ACAD8: variants seen among roughly 807,000 people sequenced by gnomAD.
ACAD8 encodes the protein isobutyryl-CoA dehydrogenase, mitochondrial.
In ACAD8, 47 loss-of-function variants were observed where a neutral mutation model predicts 53.1. That is an observed-to-expected ratio of 0.89 (90% confidence interval 0.70 to 1.13). The LOEUF is 1.13. Ranked by LOEUF, ACAD8 falls within the 50% of genes most tolerant of loss-of-function variation. The pLI, the probability that ACAD8 is intolerant of heterozygous loss-of-function variation, is 0.00. For synonymous variants in ACAD8, 198 were observed against 201.3 expected (o/e 0.98, Z 0.14); for missense variants, 494 against 535.0 (o/e 0.92, Z 0.76).
chr11:134,258,682 G>A, intron 4 of ACAD8, 58 bp downstream of exon 4: 1 of 1,244,302 alleles, frequency 8.0e-7, no homozygotes, highest in South Asian at 1.2e-5. Flanking sequence ...TGCTCAGATG[G>A]CATTACCGAG....
Position 134,253,624 on chromosome 11 carries a change from T to C in ACAD8, c.24T>C (p.Arg8=), listed in dbSNP as rs748277154. MLWSGCR[R]FGARLGCLPG... is the part of the protein sequence containing the mutation. ...CTATGCTGTGGAGCGGCTGCCGGCG[T>C]TTCGGGGCGCGCCTCGGCTGCCTGC... The change falls in exon 1 of 11, where the codon CGT becomes CGC. Residue 8 remains arginine (R), a synonymous_variant. Transcript: ENST00000281182. The C allele has an allele frequency of 1.8e-5, 28 of 1,580,882 alleles. No individual in the cohort carries two copies. In the African/African-American group the frequency reaches 2.7e-4, roughly 15 times the overall value.
intron 5 of ACAD8, 24 bp downstream of exon 5, chr11:134,259,108 G>C (rs768967762): frequency 6.2e-7 from 1 of 1,606,310 alleles, no homozygotes; most frequent in Non-Finnish European, 8.5e-7. Context: ...TCCTCCCAGA[G>C]CACTTTGGAG....
rs139792723 is a variant in ACAD8, at chr11:134,262,589, G to A, written c.1162G>A (p.Val388Met). The change falls in exon 10 of 11, where the codon GTG becomes ATG. Residue 388 changes from valine (V) to methionine (M), a missense_variant. Coordinates refer to ENST00000281182, the MANE Select transcript of ACAD8 (RefSeq NM_014384.3). The stretch of plus-strand genomic sequence containing the variant: ...GAAGGATTACGCTGTTCAGCAGTAC[G>A]TGCGGGACTCCAGGGTCCACCAGAT... Reference protein sequence around the residue: ...YLKDYAVQQYVRDSRVHQILE... With the variant: ...YLKDYAVQQYMRDSRVHQILE... 1.7e-4 allele frequency: 281 copies of A among 1,614,004 alleles called. No homozygotes were observed. The African/African-American group carries it at 3.4e-3, about 19-fold the overall frequency.
chr11:134,260,698 A>G, intron 6 of ACAD8: 2 of 373,740 alleles, frequency 5.4e-6, no homozygotes, highest in Non-Finnish European at 1.0e-5. Flanking sequence ...CCAGAGAGGA[A>G]CTGGGAGATT....
rs770576967 is a variant in ACAD8, at chr11:134,259,093, G to A, written c.567+9G>A. The A allele has an allele frequency of 2.2e-5, 35 of 1,613,558 alleles. 1 individual carries two copies. Among genetic ancestry groups the A allele is most frequent in the East Asian group, 1.6e-4 (7 of 44,878 alleles). On this transcript the variant is annotated intron_variant, in intron 5 of 10. Transcript: ENST00000281182. Reference sequence around the variant, plus strand: ...TCCTCAATGGCTCCAAGGTACTAGCGTGCGTCCTCCCAGAGCACTTTGGAG... The same window carrying A: ...TCCTCAATGGCTCCAAGGTACTAGCATGCGTCCTCCCAGAGCACTTTGGAG...
chr11:134,256,796 C>G, intron 2 of ACAD8, 148 bp downstream of exon 2: 1 of 754,796 alleles, frequency 1.3e-6, no homozygotes, highest in Non-Finnish European at 2.1e-6. Context: ...GATGATTTTT[C>G]CTAGAAGGCA....
At chr11:134,260,687 G>C (rs1243656732) in intron 6 of ACAD8, 1 of 363,570 alleles carries the variant, frequency 2.8e-6, no homozygotes, top group Non-Finnish European at 5.3e-6. Context: ...TATTTTCAGA[G>C]CCAGAGAGGA....
chr11:134,254,040 C>A (rs545161264), intron 1 of ACAD8, among the ~76,000 whole-genome samples: 21 of 151,782 alleles, frequency 1.4e-4, no homozygotes, highest in African/African-American at 5.1e-4. Context: ...GGTTCCCCTC[C>A]GGCCGGTCAT....
chr11:134,264,905 C>T lies in ACAD8; in HGVS notation c.1196-3C>T, dbSNP rs767796597. 5 of 1,613,904 alleles carry T rather than the reference C, an allele frequency of 3.1e-6. No individual in the cohort carries two copies. The African/African-American group carries it at 5.3e-5, about 17-fold the overall frequency. ...AATTCTTCCTCCTTCCTCCCTCTTA[C>T]AGGTAGCAATGAAGTGATGAGGATA... On this transcript the variant is annotated splice_region_variant and splice_polypyrimidine_tract_variant and intron_variant, in intron 10 of 10. Coordinates refer to ENST00000281182, the MANE Select transcript of ACAD8 (RefSeq NM_014384.3).
chr11:134,262,476 A>C (rs186125971), intron 9 of ACAD8, 44 bp from the exon 10 acceptor site: 1 of 1,368,220 alleles, frequency 7.3e-7, no homozygotes, highest in African/African-American at 1.4e-5. Context: ...CTTGCTCCAC[A>C]GTCTTCCCAG....
intron 10 of ACAD8, chr11:134,262,873 A>G (rs1939978237): frequency 7.2e-7 from 1 of 1,383,670 alleles, no homozygotes; most frequent in African/African-American, 1.4e-5. Flanking sequence ...ATCTGCGAGA[A>G]GGGTGAACTG....
In ACAD8 at chr11:134,265,188, A is replaced by G. The variant is rs2136087004; in HGVS notation, c.*228A>G. 1.7e-6 allele frequency: 1 copy of G among 586,372 alleles called. No homozygotes were observed. The highest frequency in any genetic ancestry group is 1.9e-5 in the African/African-American group (1 of 53,964). The allele number at this position is 586,372 out of a possible 1,614,324, so 36.3% of individuals were successfully genotyped here. On this transcript the variant is annotated 3_prime_UTR_variant, in exon 11 of 11. Coordinates refer to ENST00000281182, the MANE Select transcript of ACAD8 (RefSeq NM_014384.3). ...CTGATGAGAAACATCAGAAGAACACATACTACCTTGTTTTCCTAATGCCAG... is the reference window on the plus strand; with the variant it reads ...CTGATGAGAAACATCAGAAGAACACGTACTACCTTGTTTTCCTAATGCCAG...
At chr11:134,255,191 C>G (rs1939435127) in intron 1 of ACAD8, among the ~76,000 whole-genome samples, 1 of 152,136 alleles carries the variant, frequency 6.6e-6, no homozygotes, top group Non-Finnish European at 1.5e-5. Flanking sequence ...GGCTGGAGTA[C>G]AGTGGTGCGA....
Position 134,265,060 on chromosome 11 carries a change from C to T in ACAD8, c.*100C>T, listed in dbSNP as rs975024784. 33 of 1,352,196 alleles carry T rather than the reference C, an allele frequency of 2.4e-5. No individual in the cohort carries two copies. Among genetic ancestry groups the T allele is most frequent in the Non-Finnish European group, 3.5e-5 (33 of 944,482 alleles). The allele number at this position is 1,352,196 out of a possible 1,614,324, so 83.8% of individuals were successfully genotyped here. On this transcript the variant is annotated 3_prime_UTR_variant, in exon 11 of 11. Transcript: ENST00000281182. ...TTCCAAAGGAATCATGGATTAGACC[C>T]AAGGGCTGAGCTCCTCTAGGGCAGG...
intron 6 of ACAD8, chr11:134,260,546 A>G (rs1018643543): frequency 1.9e-5 from 4 of 211,236 alleles, no homozygotes; most frequent in Non-Finnish European, 3.8e-5. Context: ...TAACACAGCA[A>G]CCATTTCCTA....
intron 9 of ACAD8, 198 bp downstream of exon 9, chr11:134,262,088 C>A: frequency 1.4e-6 from 1 of 702,752 alleles, no homozygotes; most frequent in Non-Finnish European, 2.6e-6. Flanking sequence ...TGCTGCATGC[C>A]ATTATACACT....
At chr11:134,254,370 T>A (rs1183178731) in intron 1 of ACAD8, among the ~76,000 whole-genome samples, 1 of 152,194 alleles carries the variant, frequency 6.6e-6, no homozygotes, top group African/African-American at 2.4e-5. Context: ...CTACCAGAGC[T>A]GACAAACTTG....
At position 134,253,700 on chromosome 11, in the gene ACAD8, T is replaced by A; in HGVS notation, c.100T>A (p.Cys34Ser). 6.3e-7 allele frequency: 1 copy of A among 1,598,144 alleles called. No individual in the cohort carries two copies. The highest frequency in any genetic ancestry group is 1.1e-5 in the South Asian group (1 of 88,972). Residue 34 changes from cysteine to serine, a missense_variant, in exon 1 of 11, where the codon TGC becomes AGC. Coordinates refer to ENST00000281182, the MANE Select transcript of ACAD8 (RefSeq NM_014384.3). ...GACCGGCCACCGGAGCTTGACCTCC[T>A]GCATCGACCGTAAGGATCTCCTGGC... The part of the protein sequence containing the change: ...VQTGHRSLTS[C>S]IDPSMGLNEE...
chr11:134,255,415 C>T (rs759369406), intron 1 of ACAD8, among the ~76,000 whole-genome samples: 38 of 152,226 alleles, frequency 2.5e-4, no homozygotes, highest in Non-Finnish European at 4.8e-4. Flanking sequence ...GGATTACAGG[C>T]ATGAGCCACT....
Sources: allele counts gnomAD v4.1 joint callset (sites outside exome capture counted in the v4.1 genomes callset), GRCh38; gene constraint gnomAD v4.1.1; transcripts MANE v1.5; gene names NCBI Gene and HGNC (gene_info 2026-07-23, HGNC 2026-07-21).